The following UBE2E2 variants were observed in gnomAD, a reference collection of about 807,000 sequenced individuals.
UBE2E2 encodes ubiquitin-conjugating enzyme E2 E2.
A neutral mutation model predicts 24.7 loss-of-function variants in UBE2E2; 6 were observed. That is an observed-to-expected ratio of 0.24 (90% CI 0.13 to 0.48). UBE2E2 has a LOEUF of 0.48. Ranked by LOEUF, UBE2E2 falls within the 20% of genes least tolerant of loss-of-function variation. UBE2E2 has a pLI of 0.99. For synonymous variants in UBE2E2, 104 were observed against 83.6 expected (o/e 1.24, Z -1.33); for missense variants, 169 against 245.0 (o/e 0.69, Z 2.07).
intron 5 of UBE2E2, among the ~76,000 whole-genome samples, chr3:23,580,809 T>A (rs1179596366): frequency 1.3e-5 from 2 of 152,186 alleles, no homozygotes; most frequent in African/African-American, 4.8e-5. Flanking sequence ...GGAACCAACA[T>A]AAGCAAACAA....
At position 23,529,506 on chromosome 3, in the gene UBE2E2, G is replaced by A. The variant is rs1414708945; in HGVS notation, c.361-3048G>A. Among the ~76,000 whole-genome samples the A allele has an allele frequency of 2.6e-5, 4 of 152,272 alleles. No homozygotes were observed. In the South Asian group the frequency reaches 8.3e-4, roughly 32 times the overall value. ...CATTGATGCTGAGAGACAAACCGTA[G>A]GCTTTTGGATCAGCACAATTGTGTT... On this transcript the variant is annotated intron_variant, in intron 4 of 5. Coordinates refer to ENST00000396703, the MANE Select transcript of UBE2E2 (RefSeq NM_152653.4).
chr3:23,224,585 C>T (rs532920403), intron 3 of UBE2E2, among the ~76,000 whole-genome samples: 29 of 151,748 alleles, frequency 1.9e-4, no homozygotes, highest in Non-Finnish European at 3.5e-4. Context: ...TTTAACATCA[C>T]GTAATCTGGG....
chr3:23,213,166 G>C (rs1343007078), intron 2 of UBE2E2, among the ~76,000 whole-genome samples: 1 of 152,046 alleles, frequency 6.6e-6, no homozygotes, highest in East Asian at 1.9e-4. Flanking sequence ...GCGAATCTGC[G>C]TATCCACACA....
At chr3:23,500,645 T>TA (rs1047267140) in intron 4 of UBE2E2, among the ~76,000 whole-genome samples, 112 of 152,188 alleles carry the variant, frequency 7.4e-4, no homozygotes, top group African/African-American at 2.5e-3. Flanking sequence ...GTAAACAATA[T>TA]AAAAAAACAA....
intron 3 of UBE2E2, among the ~76,000 whole-genome samples, chr3:23,465,689 A>G (rs1698906544): frequency 6.6e-6 from 1 of 152,070 alleles, no homozygotes; most frequent in South Asian, 2.1e-4. Context: ...TCTAAATCCC[A>G]CTCATCCTTC....
chr3:23,414,312 T>C (rs560143019), intron 3 of UBE2E2, among the ~76,000 whole-genome samples: 35 of 152,314 alleles, frequency 2.3e-4, no homozygotes, highest in Non-Finnish European at 3.4e-4. Flanking sequence ...AGTGAAAATA[T>C]CTTCATCTGT....
intron 3 of UBE2E2, among the ~76,000 whole-genome samples, chr3:23,368,599 G>A (rs896854986): frequency 6.6e-6 from 1 of 152,060 alleles, no homozygotes; most frequent in Non-Finnish European, 1.5e-5. Context: ...CACAGTTGTA[G>A]GAATACTTTT....
At chr3:23,344,062 T>C (rs1695477376) in intron 3 of UBE2E2, among the ~76,000 whole-genome samples, 2 of 152,210 alleles carry the variant, frequency 1.3e-5, no homozygotes, top group Admixed American at 6.5e-5. Flanking sequence ...CTCTTTAAAT[T>C]TGCAGATGTA....
At chr3:23,455,084 C>G (rs147962266) in intron 3 of UBE2E2, among the ~76,000 whole-genome samples, 116 of 152,292 alleles carry the variant, frequency 7.6e-4, no homozygotes, top group African/African-American at 2.7e-3. Context: ...GCTCTCTTCT[C>G]TTTCTGAGAG....
At chr3:23,310,338 T>C (rs1694341648) in intron 3 of UBE2E2, among the ~76,000 whole-genome samples, 1 of 144,978 alleles carries the variant, frequency 6.9e-6, no homozygotes, top group South Asian at 2.2e-4. Context: ...TAATTTGGGG[T>C]ATTTTTGAGT....
In UBE2E2 at chr3:23,513,985, C is replaced by T. The variant is rs541566145; in HGVS notation, c.360+14245C>T. Among the ~76,000 whole-genome samples, 18 of 152,320 alleles carry T rather than the reference C, an allele frequency of 1.2e-4. 2 individuals carry two copies. Among genetic ancestry groups the T allele is most frequent in the African/African-American group, 4.3e-4 (18 of 41,580 alleles). ...ATCTTTAACTGTCAGTGATTTGTCACTGCCCTGCTTAAAACTCTTCAGTGG... is the reference window on the plus strand; with the variant it reads ...ATCTTTAACTGTCAGTGATTTGTCATTGCCCTGCTTAAAACTCTTCAGTGG... On this transcript the variant is annotated intron_variant, in intron 4 of 5. Transcript: ENST00000396703.
chr3:23,464,520 T>A (rs1177752154), intron 3 of UBE2E2, among the ~76,000 whole-genome samples: 1 of 152,202 alleles, frequency 6.6e-6, no homozygotes, highest in Admixed American at 6.5e-5. Context: ...AGCTATGCTT[T>A]AAGAGTTCAT....
chr3:23,248,355 G>A (rs1697474648), intron 3 of UBE2E2, among the ~76,000 whole-genome samples: 2 of 152,220 alleles, frequency 1.3e-5, no homozygotes, highest in East Asian at 1.9e-4. Context: ...CCCTGAGACT[G>A]CACCTTAATT....
intron 3 of UBE2E2, among the ~76,000 whole-genome samples, chr3:23,399,065 C>A (rs1697148392): frequency 6.6e-6 from 1 of 152,150 alleles, no homozygotes; most frequent in Admixed American, 6.5e-5. Context: ...ATGTCTTCCA[C>A]TCATGTATTT....
At chr3:23,284,636 G>A (rs896302767) in intron 3 of UBE2E2, among the ~76,000 whole-genome samples, 3 of 151,714 alleles carry the variant, frequency 2.0e-5, no homozygotes, top group South Asian at 2.1e-4. Context: ...TGTTTAATGG[G>A]GGAGTATTTG....
intron 3 of UBE2E2, among the ~76,000 whole-genome samples, chr3:23,299,231 C>A (rs527528370): frequency 6.6e-6 from 1 of 152,152 alleles, no homozygotes; most frequent in Non-Finnish European, 1.5e-5. Flanking sequence ...TTTCAAAAAA[C>A]CAGCTCCTGG....
At chr3:23,324,799 A>T (rs578198021) in intron 3 of UBE2E2, among the ~76,000 whole-genome samples, 1 of 152,014 alleles carries the variant, frequency 6.6e-6, no homozygotes, top group East Asian at 1.9e-4. Flanking sequence ...ATTTAAAAAA[A>T]AAAAACCTAA....
At chr3:23,243,754 T>A (rs1050990668) in intron 3 of UBE2E2, among the ~76,000 whole-genome samples, 1 of 152,114 alleles carries the variant, frequency 6.6e-6, no homozygotes, top group African/African-American at 2.4e-5. Context: ...ATTTCTTTTT[T>A]TTTTTTTGGC....
At chr3:23,516,069 G>T (rs565747983) in intron 4 of UBE2E2, among the ~76,000 whole-genome samples, 1 of 152,180 alleles carries the variant, frequency 6.6e-6, no homozygotes, top group Admixed American at 6.5e-5. Flanking sequence ...TGAAGTACAT[G>T]TGCATGCTTT....
Sources: gnomAD v4.1 joint callset for allele counts (sites outside exome capture counted in the v4.1 genomes callset) on GRCh38, gnomAD v4.1.1 for gene constraint, MANE v1.5 for transcripts, NCBI Gene and HGNC (gene_info 2026-07-23, HGNC 2026-07-21) for gene names.